The following TNFSF4 variants were observed in gnomAD, a reference collection of about 807,000 sequenced individuals.
TNFSF4 encodes tumor necrosis factor ligand superfamily member 4.
TNFSF4 carries 4 observed loss-of-function variants against 7.3 expected under a neutral mutation model. The observed-to-expected ratio is 0.55, with a 90% CI of 0.27 to 1.25. TNFSF4 has a LOEUF of 1.25. Among genes scored for constraint, TNFSF4 ranks in the 50% most tolerant of loss-of-function variants. The pLI is 0.12. For missense variants in TNFSF4, 181 were observed against 208.8 expected, an observed-to-expected ratio of 0.87 and a Z score of 0.82; for synonymous variants, 76 against 83.7, an observed-to-expected ratio of 0.91 and a Z score of 0.50.
At chr1:173,274,626 T>C in the TNFSF4 span, among the ~76,000 whole-genome samples, 1 of 152,084 alleles carries the variant, frequency 6.6e-6, no homozygotes, top group Non-Finnish European at 1.5e-5. Flanking sequence ...GGATCTTACC[T>C]AACCACATGA....
chr1:173,444,812 T>C, the TNFSF4 span, among the ~76,000 whole-genome samples: 1 of 152,192 alleles, frequency 6.6e-6, no homozygotes, highest in Non-Finnish European at 1.5e-5. Flanking sequence ...AGATTGCTTA[T>C]GAAGAGCATA....
chr1:173,294,672 G>A, the TNFSF4 span, among the ~76,000 whole-genome samples: 1 of 151,764 alleles, frequency 6.6e-6, no homozygotes, highest in Non-Finnish European at 1.5e-5. Flanking sequence ...ACAATAAAGG[G>A]CAAAATAATA....
the TNFSF4 span, among the ~76,000 whole-genome samples, chr1:173,242,985 C>G: frequency 3.1e-3 from 293 of 93,894 alleles, 2 homozygotes; most frequent in Non-Finnish European, 4.6e-3. Context: ...TGAAATTAAC[C>G]AGGTAAGAAG....
At chr1:173,391,935 C>G in the TNFSF4 span, among the ~76,000 whole-genome samples, 1,593 of 152,262 alleles carry the variant, frequency 0.01, 14 homozygotes, top group Non-Finnish European at 0.017. Context: ...ATCATCATGA[C>G]CTTTAAATTC....
At chr1:173,249,968 T>C in the TNFSF4 span, among the ~76,000 whole-genome samples, 3 of 152,132 alleles carry the variant, frequency 2.0e-5, no homozygotes, top group African/African-American at 4.8e-5. Context: ...ATGGCACATG[T>C]TTACCTATGT....
At chr1:173,255,431 C>A in the TNFSF4 span, among the ~76,000 whole-genome samples, 1 of 152,288 alleles carries the variant, frequency 6.6e-6, no homozygotes, top group East Asian at 1.9e-4. Context: ...CATCTCCTTT[C>A]TTTCCAGTCC....
the TNFSF4 span, among the ~76,000 whole-genome samples, chr1:173,352,999 C>T: frequency 6.6e-6 from 1 of 152,112 alleles, no homozygotes; most frequent in Non-Finnish European, 1.5e-5. Flanking sequence ...TCTGTTCTGC[C>T]CAGGTCACAG....
the TNFSF4 span, among the ~76,000 whole-genome samples, chr1:173,365,101 A>C: frequency 2.0e-5 from 3 of 151,782 alleles, no homozygotes; most frequent in Non-Finnish European, 4.4e-5. Context: ...AAAAAAAAAA[A>C]AGACAGAAAA....
Position 173,183,825 on chromosome 1 carries a change from C to G in TNFSF4, c.*2691G>C, listed in dbSNP as rs2101976814. 6.6e-6 allele frequency: 1 copy of G among 152,216 alleles called. No individual in the cohort carries two copies. The highest frequency in any genetic ancestry group is 3.4e-3 in the Middle Eastern group (1 of 294). The allele number at this position is 152,216 out of a possible 1,614,324, so 9.4% of individuals were successfully genotyped here. ...ATCAATATTAATACTCTCTGAGAGCCAGGAAAGCACTAAATACAAAATTAT... is the reference window on the plus strand; with the variant it reads ...ATCAATATTAATACTCTCTGAGAGCGAGGAAAGCACTAAATACAAAATTAT... On this transcript the variant is annotated 3_prime_UTR_variant, in exon 3 of 3. Transcript: ENST00000281834.
chr1:173,422,076 T>TA, the TNFSF4 span, among the ~76,000 whole-genome samples: 1 of 151,994 alleles, frequency 6.6e-6, no homozygotes, highest in Non-Finnish European at 1.5e-5. Context: ...ATGTCAAGGT[T>TA]AGTCCCTAGC....
the TNFSF4 span, among the ~76,000 whole-genome samples, chr1:173,328,216 A>G: frequency 6.6e-6 from 1 of 152,128 alleles, no homozygotes; most frequent in African/African-American, 2.4e-5. Context: ...GACATGGGTG[A>G]AGCTGAAAAC....
chr1:173,334,995 G>T, the TNFSF4 span, among the ~76,000 whole-genome samples: 19 of 152,234 alleles, frequency 1.2e-4, no homozygotes, highest in Non-Finnish European at 2.2e-4. Context: ...AACATGTGTA[G>T]GAATGGACAT....
chr1:173,175,461 A>G, the TNFSF4 span: 1 of 152,218 alleles, frequency 6.6e-6, no homozygotes, highest in Non-Finnish European at 1.5e-5. Context: ...GTAAATCTAC[A>G]TTCTTGAAAG....
chr1:173,286,345 T>C, the TNFSF4 span, among the ~76,000 whole-genome samples: 1 of 152,216 alleles, frequency 6.6e-6, no homozygotes, highest in Admixed American at 6.6e-5. Context: ...ATACACTGTC[T>C]GACTTCAAAC....
the TNFSF4 span, among the ~76,000 whole-genome samples, chr1:173,391,305 T>C: frequency 0.01 from 929 of 88,740 alleles, 14 homozygotes; most frequent in African/African-American, 0.04. Context: ...TTTCTCTTTC[T>C]TTCTGTCTCT....
the TNFSF4 span, among the ~76,000 whole-genome samples, chr1:173,229,397 G>C: frequency 1.3e-5 from 2 of 152,116 alleles, no homozygotes; most frequent in African/African-American, 2.4e-5. Context: ...GATTTTGTCA[G>C]AACCAGGCCT....
At chr1:173,204,361 CT>C (rs1261629643) in intron 1 of TNFSF4, among the ~76,000 whole-genome samples, 5 of 152,082 alleles carry the variant, frequency 3.3e-5, no homozygotes, top group African/African-American at 4.8e-5. Context: ...TAGGGTCTAA[CT>C]TTTTTTCTAG....
At position 173,186,522 on chromosome 1, in the gene TNFSF4, G is replaced by T; in HGVS notation, c.546C>A (p.Val182=). ...AGATATTGCCATCAGCCCCTCAAAG[G>T]ACACAGAATTCACCAGGATTTTGAT... ...LIHQNPGEFC[V]L The change falls in exon 3 of 3, where the codon GTC becomes GTA. Residue 182 remains valine (V), a synonymous_variant. Coordinates refer to ENST00000281834, the MANE Select transcript of TNFSF4 (RefSeq NM_003326.5). 6.2e-7 allele frequency: 1 copy of T among 1,610,240 alleles called. No individual in the cohort carries two copies. Among genetic ancestry groups the T allele is most frequent in the Non-Finnish European group, 8.5e-7 (1 of 1,177,570 alleles).
the TNFSF4 span, among the ~76,000 whole-genome samples, chr1:173,218,029 G>A: frequency 3.9e-5 from 6 of 152,260 alleles, no homozygotes; most frequent in African/African-American, 4.8e-5. Context: ...GATTATAGGC[G>A]TGAACCACCA....
Sources: allele counts gnomAD v4.1 joint callset (sites outside exome capture counted in the v4.1 genomes callset), GRCh38; gene constraint gnomAD v4.1.1; transcripts MANE v1.5; gene names NCBI Gene and HGNC (gene_info 2026-07-23, HGNC 2026-07-21).